The following ZFHX3 variants were observed in gnomAD, a reference collection of about 807,000 sequenced individuals.
ZFHX3 encodes the protein zinc finger homeobox protein 3.
ZFHX3 carries 42 observed loss-of-function variants against 279.1 expected under a neutral mutation model. The ratio of observed to expected loss-of-function variants is 0.15; its 90% CI spans 0.12 to 0.19. ZFHX3 has a LOEUF of 0.19. Ranked by LOEUF, ZFHX3 falls within the 10% of genes least tolerant of loss-of-function variation. The pLI, the probability that ZFHX3 is intolerant of heterozygous loss-of-function variation, is 1.00. For synonymous variants in ZFHX3, 2,293 were observed against 1,957.8 expected (o/e 1.17, Z -4.52); for missense variants, 4,981 against 4,754.0 (o/e 1.05, Z -1.40).
intron 2 of ZFHX3, among the ~76,000 whole-genome samples, chr16:73,473,691 C>G (rs1051117820): frequency 3.9e-5 from 6 of 152,162 alleles, no homozygotes; most frequent in Non-Finnish European, 8.8e-5. Flanking sequence ...TTGCTACCTG[C>G]AATATCCAAA....
intron 2 of ZFHX3, among the ~76,000 whole-genome samples, chr16:73,465,368 T>A (rs1329592723): frequency 6.6e-6 from 1 of 152,096 alleles, no homozygotes; most frequent in Non-Finnish European, 1.5e-5. Flanking sequence ...ACCAGGGGAA[T>A]CTCTTCTGTA....
At chr16:73,793,032 G>C (rs926177962) in intron 1 of ZFHX3, among the ~76,000 whole-genome samples, 1 of 152,192 alleles carries the variant, frequency 6.6e-6, no homozygotes, top group African/African-American at 2.4e-5. Flanking sequence ...GGGAGACGGG[G>C]AGAGAAGGGA....
chr16:73,682,902 GAAAGAGAAAGAAAGAGAGAAAGAGAA>G (rs2053030830), intron 1 of ZFHX3, among the ~76,000 whole-genome samples: 2 of 51,550 alleles, frequency 3.9e-5, no homozygotes, highest in Non-Finnish European at 3.9e-5. Flanking sequence ...AAGAAAGAAA[GAAAGAGAAAGAAAGAGAGAAAGAGAA>G]AGAAAGAAAG....
At chr16:73,694,077 C>T (rs1229049539) in intron 1 of ZFHX3, among the ~76,000 whole-genome samples, 1 of 150,566 alleles carries the variant, frequency 6.6e-6, no homozygotes, top group Non-Finnish European at 1.5e-5. Context: ...AATCCCAGCA[C>T]CTTGGGAGGC....
At chr16:73,263,892 C>G (rs756705633) in intron 4 of ZFHX3, among the ~76,000 whole-genome samples, 1 of 152,176 alleles carries the variant, frequency 6.6e-6, no homozygotes, top group Admixed American at 6.5e-5. Context: ...GATGGCCAGG[C>G]GCAGTGGCTC....
chr16:73,138,744 G>A (rs1321385222), intron 6 of ZFHX3, among the ~76,000 whole-genome samples: 1 of 152,092 alleles, frequency 6.6e-6, no homozygotes, highest in Non-Finnish European at 1.5e-5. Context: ...CTGGAGTGCA[G>A]TGGCATGATC....
intron 3 of ZFHX3, among the ~76,000 whole-genome samples, chr16:73,343,542 T>G (rs780004376): frequency 6.6e-6 from 1 of 152,106 alleles, no homozygotes; most frequent in Non-Finnish European, 1.5e-5. Flanking sequence ...CTGGGCAACA[T>G]GGCAAGACCC....
rs759125229 is a variant in ZFHX3, at chr16:72,959,754, C to G, written c.392G>C (p.Gly131Ala). 1 of 1,610,176 alleles carries G rather than the reference C, an allele frequency of 6.2e-7. No individual in the cohort carries two copies. The highest frequency in any genetic ancestry group is 8.5e-7 in the Non-Finnish European group (1 of 1,177,396). The change falls in exon 2 of 10, where the codon GGG becomes GCG. Residue 131 changes from glycine to alanine, a missense_variant. Physicochemically the swap from Gly to Ala is moderately conservative, Grantham distance 60. Transcript: ENST00000268489. ...GCCGTCCGGCTGGTAGACGATCTCCCCGGCCAGGTTCTCCACGTCACTCTC... is the reference window on the plus strand; with the variant it reads ...GCCGTCCGGCTGGTAGACGATCTCCGCGGCCAGGTTCTCCACGTCACTCTC... ...DEESDVENLA[G>A]EIVYQPDGSA...
At chr16:73,341,227 G>T (rs572488857) in intron 3 of ZFHX3, among the ~76,000 whole-genome samples, 1 of 152,094 alleles carries the variant, frequency 6.6e-6, no homozygotes, top group African/African-American at 2.4e-5. Flanking sequence ...TGTAATCCCA[G>T]CTACTGAGGA....
At chr16:73,560,739 C>G (rs1405305977) in intron 2 of ZFHX3, among the ~76,000 whole-genome samples, 1 of 152,164 alleles carries the variant, frequency 6.6e-6, no homozygotes, top group African/African-American at 2.4e-5. Context: ...TCTCCATAAT[C>G]AGGAGATGGG....
At chr16:73,481,407 C>T (rs1053528477) in intron 2 of ZFHX3, among the ~76,000 whole-genome samples, 2 of 151,250 alleles carry the variant, frequency 1.3e-5, no homozygotes, top group African/African-American at 4.9e-5. Context: ...GTCCTCTCTT[C>T]TCCCCTTACC....
At chr16:73,088,650 G>A (rs938600942) in intron 8 of ZFHX3, among the ~76,000 whole-genome samples, 14 of 152,148 alleles carry the variant, frequency 9.2e-5, no homozygotes, top group African/African-American at 3.4e-4. Flanking sequence ...GGTACGGCAG[G>A]TCACAGTAGG....
chr16:73,135,238 T>C (rs566324174), intron 6 of ZFHX3, among the ~76,000 whole-genome samples: 24 of 152,132 alleles, frequency 1.6e-4, no homozygotes, highest in Non-Finnish European at 1.8e-4. Flanking sequence ...CATCTATCCA[T>C]CTCCATCTCA....
At chr16:73,154,949 G>T (rs1208708619) in intron 5 of ZFHX3, among the ~76,000 whole-genome samples, 1 of 151,824 alleles carries the variant, frequency 6.6e-6, no homozygotes, top group East Asian at 1.9e-4. Flanking sequence ...TGAGGTGGGA[G>T]GATCACTTGA....
intron 2 of ZFHX3, among the ~76,000 whole-genome samples, chr16:73,645,005 C>T (rs1354063270): frequency 2.0e-5 from 3 of 152,186 alleles, no homozygotes; most frequent in Non-Finnish European, 2.9e-5. Context: ...ACCTGATTCA[C>T]TGGCATGACT....
intron 3 of ZFHX3, among the ~76,000 whole-genome samples, chr16:72,915,458 C>T (rs571062808): frequency 6.6e-6 from 1 of 152,262 alleles, no homozygotes; most frequent in East Asian, 1.9e-4. Flanking sequence ...AAGAGGAAAA[C>T]AGAATTGCCA....
chr16:73,017,989 C>CTTT (rs11460634), intron 1 of ZFHX3, among the ~76,000 whole-genome samples: 1 of 143,788 alleles, frequency 7.0e-6, no homozygotes, highest in Non-Finnish European at 1.5e-5. Flanking sequence ...CAGTTTTTAT[C>CTTT]TTTTTTTTTT....
At chr16:73,031,370 G>A (rs1964692155) in intron 1 of ZFHX3, among the ~76,000 whole-genome samples, 1 of 152,182 alleles carries the variant, frequency 6.6e-6, no homozygotes, top group Non-Finnish European at 1.5e-5. Context: ...AAGTTCCCGA[G>A]TGTTTCTAGC....
At chr16:73,635,916 A>G (rs1426239215) in intron 2 of ZFHX3, among the ~76,000 whole-genome samples, 1 of 152,138 alleles carries the variant, frequency 6.6e-6, no homozygotes, top group Non-Finnish European at 1.5e-5. Context: ...TCCTGATTTC[A>G]TGTAATTTGG....
Sources: allele counts gnomAD v4.1 joint callset (sites outside exome capture counted in the v4.1 genomes callset), GRCh38; gene constraint gnomAD v4.1.1; transcripts MANE v1.5; gene names NCBI Gene and HGNC (gene_info 2026-07-23, HGNC 2026-07-21).